Variants in CNTNAP2 observed in about 807,000 individuals in gnomAD.
CNTNAP2 encodes the protein contactin-associated protein-like 2.
Under a neutral mutation model 155.2 loss-of-function variants are expected in CNTNAP2, and 98 were observed. The observed-to-expected ratio is 0.63, with a 90% CI of 0.54 to 0.75. The LOEUF is 0.75. Ranked by LOEUF, CNTNAP2 falls within the 30% of genes least tolerant of loss-of-function variation. The probability of loss-of-function intolerance (pLI) is 0.00; values close to 1 mark genes in which losing one functional copy is unlikely to be tolerated. For missense variants in CNTNAP2, 1,727 were observed against 1,688.1 expected, an observed-to-expected ratio of 1.02 and a Z score of -0.40; for synonymous variants, 651 against 631.2, an observed-to-expected ratio of 1.03 and a Z score of -0.47.
At chr7:148,184,351 G>A (rs1399983432) in intron 18 of CNTNAP2, among the ~76,000 whole-genome samples, 2 of 152,150 alleles carry the variant, frequency 1.3e-5, no homozygotes, top group East Asian at 3.8e-4. Flanking sequence ...CTAAAAACTT[G>A]CTTTTATCAA....
At chr7:147,785,344 G>C (rs1307070740) in intron 13 of CNTNAP2, among the ~76,000 whole-genome samples, 5 of 152,180 alleles carry the variant, frequency 3.3e-5, no homozygotes. Flanking sequence ...GCTCAGGAGG[G>C]AAGGGGGAGC....
chr7:146,165,060 A>G (rs1168261306), intron 1 of CNTNAP2, among the ~76,000 whole-genome samples: 1 of 152,188 alleles, frequency 6.6e-6, no homozygotes, highest in Non-Finnish European at 1.5e-5. Context: ...GCCCTTACGA[A>G]CTATAATCTA....
intron 10 of CNTNAP2, among the ~76,000 whole-genome samples, chr7:147,451,440 G>A (rs1032547714): frequency 2.0e-5 from 3 of 152,122 alleles, no homozygotes; most frequent in African/African-American, 4.8e-5. Flanking sequence ...AGCAACTGGT[G>A]TAGTTATCTT....
chr7:146,412,377 C>G (rs1309312986), intron 1 of CNTNAP2, among the ~76,000 whole-genome samples: 1 of 152,142 alleles, frequency 6.6e-6, no homozygotes, highest in Non-Finnish European at 1.5e-5. Context: ...CTTTGTTATT[C>G]TTCTTATTAA....
chr7:148,040,716 A>T (rs1802657535), intron 15 of CNTNAP2, among the ~76,000 whole-genome samples: 2 of 152,264 alleles, frequency 1.3e-5, no homozygotes, highest in African/African-American at 4.8e-5. Flanking sequence ...CCTTCGTGCA[A>T]GGAACCATGA....
chr7:147,103,542 C>T (rs1800695194), intron 4 of CNTNAP2, among the ~76,000 whole-genome samples: 1 of 151,966 alleles, frequency 6.6e-6, no homozygotes, highest in Non-Finnish European at 1.5e-5. Context: ...TCTGTACTAA[C>T]TGGTTAATAT....
chr7:146,385,450 A>G (rs1235773693), intron 1 of CNTNAP2, among the ~76,000 whole-genome samples: 3 of 152,234 alleles, frequency 2.0e-5, no homozygotes, highest in Middle Eastern at 3.2e-3. Context: ...AGTGACATAT[A>G]TGAATGTTTG....
intron 15 of CNTNAP2, among the ~76,000 whole-genome samples, chr7:148,028,459 G>T (rs1485922086): frequency 6.6e-6 from 1 of 152,122 alleles, no homozygotes; most frequent in African/African-American, 2.4e-5. Context: ...ATGACCCCCG[G>T]ACAGCAAAAA....
chr7:147,348,196 A>G (rs1403431676), intron 9 of CNTNAP2, among the ~76,000 whole-genome samples: 1 of 152,094 alleles, frequency 6.6e-6, no homozygotes, highest in East Asian at 1.9e-4. Flanking sequence ...CTTCTGCACA[A>G]CAAAGGACAT....
chr7:147,479,841 A>G (rs1798390429), intron 10 of CNTNAP2, among the ~76,000 whole-genome samples: 1 of 152,148 alleles, frequency 6.6e-6, no homozygotes, highest in African/African-American at 2.4e-5. Flanking sequence ...CATCAATATT[A>G]CAATAGTGTT....
intron 10 of CNTNAP2, among the ~76,000 whole-genome samples, chr7:147,438,831 T>C (rs925354886): frequency 6.6e-6 from 1 of 151,990 alleles, no homozygotes; most frequent in Non-Finnish European, 1.5e-5. Context: ...TGTATGTGTC[T>C]GGGAATTTGT....
chr7:146,717,206 T>C (rs1012631549), intron 1 of CNTNAP2, among the ~76,000 whole-genome samples: 1 of 152,118 alleles, frequency 6.6e-6, no homozygotes, highest in Non-Finnish European at 1.5e-5. Context: ...GAGAGCTGTT[T>C]GTGTCACAAA....
At chr7:147,047,662 C>G (rs560983914) in intron 4 of CNTNAP2, among the ~76,000 whole-genome samples, 1 of 152,234 alleles carries the variant, frequency 6.6e-6, no homozygotes, top group African/African-American at 2.4e-5. Flanking sequence ...TTAAGATCCA[C>G]AGGTGTAGAC....
intron 11 of CNTNAP2, among the ~76,000 whole-genome samples, chr7:147,510,723 T>C (rs939837785): frequency 2.0e-5 from 3 of 151,472 alleles, no homozygotes; most frequent in African/African-American, 7.3e-5. Flanking sequence ...ATAACTAGTA[T>C]GCACTTTACA....
chr7:148,221,134 G>A (rs560888141), intron 19 of CNTNAP2, among the ~76,000 whole-genome samples: 1 of 152,188 alleles, frequency 6.6e-6, no homozygotes, highest in Admixed American at 6.5e-5. Context: ...GTGCCCTCAT[G>A]CCTGTGTGAG....
chr7:148,399,305 A>G (rs1585343427), intron 22 of CNTNAP2, among the ~76,000 whole-genome samples: 1 of 151,886 alleles, frequency 6.6e-6, no homozygotes. Flanking sequence ...TCCACGGTAC[A>G]GTATTTTTAA....
chr7:146,166,533 T>C (rs1798315021), intron 1 of CNTNAP2, among the ~76,000 whole-genome samples: 2 of 152,210 alleles, frequency 1.3e-5, no homozygotes, highest in African/African-American at 4.8e-5. Context: ...ACTAACTTCA[T>C]GAACTTACTT....
At chr7:146,437,055 C>T (rs1031297623) in intron 1 of CNTNAP2, among the ~76,000 whole-genome samples, 1 of 151,456 alleles carries the variant, frequency 6.6e-6, no homozygotes, top group Admixed American at 6.6e-5. Context: ...TGAGCGGTGG[C>T]AAGTGAGCAT....
chr7:146,941,594 T>A (rs564985655), intron 3 of CNTNAP2, among the ~76,000 whole-genome samples: 44 of 152,296 alleles, frequency 2.9e-4, no homozygotes, highest in African/African-American at 9.6e-4. Flanking sequence ...AGTTTTATTC[T>A]TTCAGATGTT....
Sources: allele counts gnomAD v4.1 joint callset (sites outside exome capture counted in the v4.1 genomes callset), GRCh38; gene constraint gnomAD v4.1.1; transcripts MANE v1.5; gene names NCBI Gene and HGNC (gene_info 2026-07-23, HGNC 2026-07-21).